PC: variants seen among roughly 807,000 people sequenced by gnomAD.
The protein encoded by PC is pyruvate carboxylase, mitochondrial.
A neutral mutation model predicts 107.8 loss-of-function variants in PC; 46 were observed. That is an observed-to-expected ratio of 0.43 (90% CI 0.34 to 0.55). The LOEUF is 0.55. Among genes scored for constraint, PC ranks in the 20% least tolerant of loss-of-function variants. The probability of loss-of-function intolerance (pLI) is 0.04; values close to 1 mark genes in which losing one functional copy is unlikely to be tolerated. For missense variants in PC, 1,241 were observed against 1,643.1 expected, an observed-to-expected ratio of 0.76 and a Z score of 4.23; for synonymous variants, 662 against 684.7, an observed-to-expected ratio of 0.97 and a Z score of 0.52.
chr11:66,940,258 G>T (rs976710689), intron 3 of PC, among the ~76,000 whole-genome samples: 1 of 147,884 alleles, frequency 6.8e-6, no homozygotes, highest in African/African-American at 2.5e-5. Context: ...GAATGCAGTC[G>T]TACAATCTCG....
intron 3 of PC, among the ~76,000 whole-genome samples, chr11:66,876,119 G>A (rs777597702): frequency 8.5e-5 from 13 of 152,298 alleles, no homozygotes; most frequent in Non-Finnish European, 1.3e-4. Flanking sequence ...GATTGGATCC[G>A]GGTTTCTATT....
chr11:66,860,142 G>T, intron 12 of PC: 1 of 1,549,234 alleles, frequency 6.5e-7, no homozygotes. Flanking sequence ...GCTCGGGGCA[G>T]GGTGCCGGGG....
intron 3 of PC, among the ~76,000 whole-genome samples, chr11:66,923,853 C>T (rs1463557884): frequency 7.1e-5 from 8 of 112,960 alleles, no homozygotes. Flanking sequence ...CAGAAAAGCA[C>T]ATAGCTTCAG....
At chr11:66,939,187 A>G (rs1949065920) in intron 3 of PC, among the ~76,000 whole-genome samples, 2 of 152,234 alleles carry the variant, frequency 1.3e-5, no homozygotes, top group African/African-American at 4.8e-5. Context: ...AAAAATGACA[A>G]TACAACAATA....
chr11:66,887,862 G>C (rs1391117207), intron 3 of PC, among the ~76,000 whole-genome samples: 1 of 152,250 alleles, frequency 6.6e-6, no homozygotes, highest in Non-Finnish European at 1.5e-5. Flanking sequence ...CACTTTCACA[G>C]GCCGAAACCA....
In PC at chr11:66,870,540, C is replaced by A. The variant is rs926576787; in HGVS notation, c.752-87G>T. On this transcript the variant is annotated intron_variant, in intron 8 of 22. Coordinates refer to ENST00000393960, the MANE Select transcript of PC (RefSeq NM_001040716.2). This position sits in a 1 kb window ranked among gnomAD's most constrained non-coding sequence, Gnocchi z 6.1. ...CATCACCCCCACATAACCACTGTCG[C>A]CAGTCAGTGCCGGCTGCCAGCGGTA... 1.6e-5 allele frequency: 24 copies of A among 1,460,550 alleles called. No individual in the cohort carries two copies. The highest frequency in any genetic ancestry group is 2.1e-5 in the Non-Finnish European group (22 of 1,059,266). 90.5% of individuals were successfully genotyped at this position (1,460,550 alleles called of 1,614,324 possible).
intron 3 of PC, among the ~76,000 whole-genome samples, chr11:66,927,500 T>C (rs141065168): frequency 0.059 from 8,998 of 151,866 alleles, 321 homozygotes; most frequent in Non-Finnish European, 0.087. Context: ...GGTGGGTGGA[T>C]TGCCTGAGGT....
chr11:66,858,022 G>C lies in PC; in HGVS notation c.1369-4639C>G, dbSNP rs747254311. 1.2e-6 allele frequency: 2 copies of C among 1,612,038 alleles called. No individual in the cohort carries two copies. Among genetic ancestry groups the C allele is most frequent in the Admixed American group, 1.7e-5 (1 of 60,024 alleles). ...ACCCGCATTGGGGCCCGCGCCTTTG[G>C]GGACCTCGAGAGCCTGCGTTCCCTC... is the stretch of plus-strand genomic sequence containing the variant. On this transcript the variant is annotated intron_variant, in intron 12 of 22. Coordinates refer to ENST00000393960, the MANE Select transcript of PC (RefSeq NM_001040716.2). This position sits in a 1 kb window ranked among gnomAD's most constrained non-coding sequence, Gnocchi z 5.9.
intron 3 of PC, among the ~76,000 whole-genome samples, chr11:66,943,632 T>TCC (rs1949204157): frequency 6.7e-6 from 1 of 148,958 alleles, no homozygotes; most frequent in South Asian, 2.1e-4. Context: ...GCGCCTGTAG[T>TCC]CCCCCAGCTA....
At chr11:66,910,092 A>G (rs1010278153) in intron 3 of PC, among the ~76,000 whole-genome samples, 1 of 152,168 alleles carries the variant, frequency 6.6e-6, no homozygotes, top group African/African-American at 2.4e-5. Flanking sequence ...TGTTTTCTTC[A>G]TCTGAGAAAA....
chr11:66,884,243 T>TG (rs1235956709), intron 3 of PC, among the ~76,000 whole-genome samples: 1 of 120,092 alleles, frequency 8.3e-6, no homozygotes, highest in Non-Finnish European at 1.7e-5. Context: ...AAACTCCATC[T>TG]CAAAAAAAAA....
intron 3 of PC, among the ~76,000 whole-genome samples, chr11:66,892,787 G>A (rs1382775703): frequency 6.6e-6 from 1 of 152,096 alleles, no homozygotes; most frequent in Non-Finnish European, 1.5e-5. Context: ...CCCAGGACGT[G>A]GAGGTTGCAG....
At chr11:66,873,491 AT>A (rs1427648525) in intron 3 of PC, among the ~76,000 whole-genome samples, 1,480 of 44,196 alleles carry the variant, frequency 0.033, 21 homozygotes, top group South Asian at 0.095. Flanking sequence ...ATAATATTAT[AT>A]ATATTATATA....
chr11:66,908,259 A>C (rs1447097090), intron 3 of PC, among the ~76,000 whole-genome samples: 1 of 152,000 alleles, frequency 6.6e-6, no homozygotes, highest in African/African-American at 2.4e-5. Context: ...AAAAAGAAGG[A>C]GTCTAATGTC....
In PC at chr11:66,852,040, C is replaced by T; in HGVS notation, c.1826-94G>A. 3.1e-6 allele frequency: 4 copies of T among 1,290,354 alleles called. No individual in the cohort carries two copies. The highest frequency in any genetic ancestry group is 4.4e-6 in the Non-Finnish European group (4 of 907,412). The allele number at this position is 1,290,354 out of a possible 1,614,324, so 79.9% of individuals were successfully genotyped here. On this transcript the variant is annotated intron_variant, in intron 15 of 22. Coordinates refer to ENST00000393960, the MANE Select transcript of PC (RefSeq NM_001040716.2). The surrounding 1 kb of genome is among the most constrained non-coding windows in gnomAD (Gnocchi z 4.7). ...GCTCTGCAGCACAAGCCTCTGGCCC[C>T]AATACCAGGTCCTGCTCATCTTCGC... is the stretch of plus-strand genomic sequence containing the variant.
intron 3 of PC, among the ~76,000 whole-genome samples, chr11:66,926,927 G>A (rs1201399929): frequency 6.6e-6 from 1 of 151,920 alleles, no homozygotes; most frequent in Non-Finnish European, 1.5e-5. Flanking sequence ...CACTGGATGG[G>A]TAGGCCACAT....
chr11:66,890,550 G>T (rs1019078979), intron 3 of PC, among the ~76,000 whole-genome samples: 3 of 150,304 alleles, frequency 2.0e-5, no homozygotes, highest in South Asian at 2.1e-4. Flanking sequence ...ACCCAGGCTG[G>T]AGTGCAATGG....
At chr11:66,878,823 A>G (rs952103104) in intron 3 of PC, among the ~76,000 whole-genome samples, 3 of 152,200 alleles carry the variant, frequency 2.0e-5, no homozygotes, top group African/African-American at 7.2e-5. Flanking sequence ...CTGAAGTCAG[A>G]GCAGGGAAAA....
chr11:66,859,019 CG>C, intron 12 of PC: 1 of 1,511,304 alleles, frequency 6.6e-7, no homozygotes. Flanking sequence ...GCTGGGGTCC[CG>C]GGCGGCCAGC....
Sources: gnomAD v4.1 joint callset for allele counts (sites outside exome capture counted in the v4.1 genomes callset) on GRCh38, gnomAD v4.1.1 for gene constraint, Gnocchi (gnomAD v3.1) non-coding constraint, MANE v1.5 for transcripts, NCBI Gene and HGNC (gene_info 2026-07-23, HGNC 2026-07-21) for gene names.